The following CCDC126 variants were observed in gnomAD, a reference collection of about 807,000 sequenced individuals.
The protein encoded by CCDC126 is coiled-coil domain-containing protein 126.
In CCDC126, 5 loss-of-function variants were observed where a neutral mutation model predicts 11.7. The observed-to-expected ratio is 0.43, with a 90% CI of 0.22 to 0.90. The LOEUF is 0.90. Ranked by LOEUF, CCDC126 falls within the 40% of genes least tolerant of loss-of-function variation. CCDC126 has a pLI of 0.27. For synonymous variants in CCDC126, 60 were observed against 61.9 expected (o/e 0.97, Z 0.14); for missense variants, 150 against 163.1 (o/e 0.92, Z 0.44).
intron 3 of CCDC126, among the ~76,000 whole-genome samples, chr7:23,614,947 T>C (rs1368876005): frequency 6.6e-6 from 1 of 152,174 alleles, no homozygotes; most frequent in African/African-American, 2.4e-5. Flanking sequence ...GGCTCTAGGA[T>C]TTTCAGCATG....
intron 2 of CCDC126, among the ~76,000 whole-genome samples, chr7:23,605,400 TGTGTGTGTGTGTG>T (rs989240891): frequency 0.025 from 13 of 528 alleles, 1 homozygote; most frequent in South Asian, 0.5. Flanking sequence ...GTGATATGCT[TGTGTGTGTGTGTG>T]TGTGTGTGTG....
chr7:23,639,450 C>T (rs1345583457), intron 3 of CCDC126, among the ~76,000 whole-genome samples: 4 of 152,184 alleles, frequency 2.6e-5, no homozygotes, highest in Non-Finnish European at 5.9e-5. Flanking sequence ...GTGATCCATC[C>T]TGCCTCGGCC....
intron 2 of CCDC126, among the ~76,000 whole-genome samples, chr7:23,600,602 TAGGC>T (rs1782523625): frequency 6.6e-6 from 1 of 152,140 alleles, no homozygotes; most frequent in Admixed American, 6.6e-5. Flanking sequence ...TGGAGACTAA[TAGGC>T]AGTAGTTCTT....
intron 3 of CCDC126, among the ~76,000 whole-genome samples, chr7:23,633,394 A>G (rs892793444): frequency 1.3e-5 from 2 of 151,786 alleles, no homozygotes; most frequent in Non-Finnish European, 2.9e-5. Flanking sequence ...AATACAAAAG[A>G]TTAAACAATG....
At chr7:23,624,390 A>C (rs1782977262) in intron 3 of CCDC126, among the ~76,000 whole-genome samples, 2 of 152,064 alleles carry the variant, frequency 1.3e-5, no homozygotes, top group Non-Finnish European at 2.9e-5. Context: ...TCGTCCTTCC[A>C]CCTCGGCCTC....
rs1217546327 is a variant in CCDC126 at position 23,643,735 on chromosome 7, A to G, written c.*620A>G. ...TATTTTTAAAAATTACACTTATAAG[A>G]GTATAATCTTGAAATGGGTAGCAGC... On this transcript the variant is annotated 3_prime_UTR_variant, in exon 4 of 4. Transcript: ENST00000307471. 2.0e-5 allele frequency: 3 copies of G among 152,514 alleles called. No homozygotes were observed. The highest frequency in any genetic ancestry group is 4.4e-5 in the Non-Finnish European group (3 of 68,012). 9.4% of individuals were successfully genotyped at this position (152,514 alleles called of 1,614,324 possible). A position where few individuals can be genotyped will look rare whatever the true frequency, so the allele number is the denominator to read the frequency against.
intron 3 of CCDC126, among the ~76,000 whole-genome samples, chr7:23,627,267 C>T (rs1169893624): frequency 2.0e-5 from 3 of 152,000 alleles, no homozygotes; most frequent in Non-Finnish European, 4.4e-5. Context: ...TGTAATCCCA[C>T]CACTCTGGGG....
chr7:23,611,363 A>G lies in CCDC126; in HGVS notation c.48A>G (p.Leu16=), dbSNP rs778487846. 3 of 1,613,518 alleles carry G rather than the reference A, an allele frequency of 1.9e-6. No homozygotes were observed. Among genetic ancestry groups the G allele is most frequent in the African/African-American group, 2.7e-5 (2 of 74,890 alleles). Residue 16 remains leucine (L), a synonymous_variant, in exon 3 of 4, where the codon TTA becomes TTG. Transcript: ENST00000307471. ...AAAATATGTCCCAGAAATTGAGTTT[A>G]CTGTTGCTTGTATTTGGACTCATTT... The part of the protein sequence containing the change: ...SRKNMSQKLS[L]LLLVFGLIWG...
intron 3 of CCDC126, among the ~76,000 whole-genome samples, chr7:23,623,177 A>G (rs1782953315): frequency 6.6e-6 from 1 of 151,266 alleles, no homozygotes; most frequent in Admixed American, 6.6e-5. Context: ...AGTAGAGACA[A>G]AAACTTTTGT....
At chr7:23,628,539 A>G (rs1442272597) in intron 3 of CCDC126, among the ~76,000 whole-genome samples, 2 of 152,254 alleles carry the variant, frequency 1.3e-5, no homozygotes, top group Non-Finnish European at 1.5e-5. Context: ...TCAAAGGCCA[A>G]GTGGTAAGCC....
chr7:23,632,146 T>C (rs1350236727), intron 3 of CCDC126, among the ~76,000 whole-genome samples: 1 of 150,372 alleles, frequency 6.7e-6, no homozygotes, highest in African/African-American at 2.4e-5. Context: ...CAGGCTGGAC[T>C]GCAGTGGTGT....
chr7:23,599,853 C>G (rs978564877), intron 2 of CCDC126, among the ~76,000 whole-genome samples: 7 of 152,186 alleles, frequency 4.6e-5, no homozygotes, highest in Non-Finnish European at 8.8e-5. Context: ...GGTGCGATCT[C>G]TGCACACTGC....
chr7:23,633,287 C>T (rs548382401), intron 3 of CCDC126, among the ~76,000 whole-genome samples: 2 of 152,258 alleles, frequency 1.3e-5, no homozygotes, highest in South Asian at 2.1e-4. Flanking sequence ...CCACTGTGCC[C>T]GGCCCTGCCT....
chr7:23,631,799 C>G (rs866905493), intron 3 of CCDC126, among the ~76,000 whole-genome samples: 23 of 151,738 alleles, frequency 1.5e-4, no homozygotes, highest in African/African-American at 5.1e-4. Flanking sequence ...TTAAAAGTCC[C>G]CCCCCACCCT....
rs1380535041 is a variant in CCDC126 at position 23,643,605 on chromosome 7, G to A, written c.*490G>A. 6.5e-6 allele frequency: 1 copy of A among 152,700 alleles called. No homozygotes were observed. Among genetic ancestry groups the A allele is most frequent in the Non-Finnish European group, 1.5e-5 (1 of 68,138 alleles). The allele number at this position is 152,700 out of a possible 1,614,324, so 9.5% of individuals were successfully genotyped here. ...CTATATTTTGTTATTCCAATTATGA[G>A]CAGAGAAAGGAAATATAATGTTGAA... On this transcript the variant is annotated 3_prime_UTR_variant, in exon 4 of 4. Coordinates refer to ENST00000307471, the MANE Select transcript of CCDC126 (RefSeq NM_138771.4).
intron 3 of CCDC126, among the ~76,000 whole-genome samples, chr7:23,617,085 AC>A (rs1179707494): frequency 6.6e-6 from 1 of 151,820 alleles, no homozygotes; most frequent in African/African-American, 2.4e-5. Flanking sequence ...GCGGTGGCTC[AC>A]CCCTGTAATC....
chr7:23,606,594 A>G (rs943323822), intron 2 of CCDC126, among the ~76,000 whole-genome samples: 1 of 152,274 alleles, frequency 6.6e-6, no homozygotes, highest in East Asian at 1.9e-4. Flanking sequence ...CTTCAGGTCT[A>G]GTACTTTACT....
At chr7:23,642,624 G>A (rs960033640) in intron 3 of CCDC126, among the ~76,000 whole-genome samples, 6 of 151,916 alleles carry the variant, frequency 3.9e-5, no homozygotes, top group Admixed American at 2.6e-4. Context: ...TTAGCTGGGC[G>A]TGGTGGTGGG....
intron 3 of CCDC126, among the ~76,000 whole-genome samples, chr7:23,611,823 G>A (rs1037394912): frequency 7.9e-5 from 12 of 152,090 alleles, no homozygotes; most frequent in South Asian, 2.1e-4. Flanking sequence ...ATGACATTTC[G>A]CTGCTAGATA....
Sources: gnomAD v4.1 joint callset for allele counts (sites outside exome capture counted in the v4.1 genomes callset) on GRCh38, gnomAD v4.1.1 for gene constraint, MANE v1.5 for transcripts, NCBI Gene and HGNC (gene_info 2026-07-23, HGNC 2026-07-21) for gene names.